The following CNTN5 variants were observed in gnomAD, a reference collection of about 807,000 sequenced individuals.
CNTN5 encodes the protein contactin 5.
A neutral mutation model predicts 129.1 loss-of-function variants in CNTN5; 77 were observed. The ratio of observed to expected loss-of-function variants is 0.60; its 90% CI spans 0.50 to 0.72. The LOEUF is 0.72. Ranked by LOEUF, CNTN5 falls within the 30% of genes least tolerant of loss-of-function variation. CNTN5 has a pLI of 0.00. For synonymous variants in CNTN5, 509 were observed against 465.6 expected (o/e 1.09, Z -1.20); for missense variants, 1,478 against 1,328.8 (o/e 1.11, Z -1.75).
At chr11:99,448,537 T>C (rs1944163000) in intron 2 of CNTN5, among the ~76,000 whole-genome samples, 1 of 151,830 alleles carries the variant, frequency 6.6e-6, no homozygotes, top group Admixed American at 6.6e-5. Context: ...TAAAGATAAT[T>C]ATGTTGAAAA....
At chr11:100,148,493 A>T (rs185129062) in intron 13 of CNTN5, among the ~76,000 whole-genome samples, 1 of 152,050 alleles carries the variant, frequency 6.6e-6, no homozygotes, top group East Asian at 1.9e-4. Context: ...CAGGGCACTC[A>T]CTGTTCAAAA....
intron 3 of CNTN5, among the ~76,000 whole-genome samples, chr11:99,759,107 G>A (rs990158501): frequency 6.6e-6 from 1 of 151,870 alleles, no homozygotes; most frequent in African/African-American, 2.4e-5. Context: ...CTATAAGGTG[G>A]GTGTTCTCCC....
chr11:99,736,482 A>C (rs893068481), intron 3 of CNTN5, among the ~76,000 whole-genome samples: 14 of 152,204 alleles, frequency 9.2e-5, no homozygotes, highest in African/African-American at 3.4e-4. Flanking sequence ...CCTCCAGTCA[A>C]GGCCTCAAAA....
chr11:99,244,928 G>A (rs11600195), intron 1 of CNTN5, among the ~76,000 whole-genome samples: 6,800 of 152,188 alleles, frequency 0.045, 205 homozygotes, highest in South Asian at 0.071. Context: ...GAGTTACTAC[G>A]TTACATTCAG....
intron 9 of CNTN5, among the ~76,000 whole-genome samples, chr11:100,046,744 A>G (rs1203780063): frequency 6.6e-6 from 1 of 152,186 alleles, no homozygotes; most frequent in African/African-American, 2.4e-5. Flanking sequence ...ATGGCAGGGT[A>G]GTTTGTACCA....
chr11:99,586,831 C>T (rs1431941983), intron 3 of CNTN5, among the ~76,000 whole-genome samples: 1 of 152,104 alleles, frequency 6.6e-6, no homozygotes, highest in Non-Finnish European at 1.5e-5. Context: ...TCCAACAAGA[C>T]ATAATATTTT....
At chr11:100,037,648 C>T (rs1441142243) in intron 9 of CNTN5, among the ~76,000 whole-genome samples, 1 of 152,146 alleles carries the variant, frequency 6.6e-6, no homozygotes, top group Non-Finnish European at 1.5e-5. Context: ...ATTTCAGCTC[C>T]TGTTGTTGGT....
chr11:99,093,397 G>A (rs537466275), intron 1 of CNTN5, among the ~76,000 whole-genome samples: 11 of 151,274 alleles, frequency 7.3e-5, no homozygotes, highest in African/African-American at 2.7e-4. Context: ...TCTGTTGTAC[G>A]CTGGACAACA....
chr11:100,046,127 G>A (rs550439139), intron 9 of CNTN5, among the ~76,000 whole-genome samples: 157 of 145,642 alleles, frequency 1.1e-3, no homozygotes, highest in African/African-American at 3.9e-3. Context: ...TCACACTCTG[G>A]GGACTGTTGT....
In CNTN5 at chr11:99,834,461, G is replaced by A. The variant is rs182128831; in HGVS notation, c.278-10391G>A. 1.2e-4 allele frequency among the ~76,000 whole-genome samples: 18 copies of A among 152,256 alleles called. 1 individual carries two copies. Among genetic ancestry groups the A allele is most frequent in the Non-Finnish European group, 2.4e-4 (16 of 68,010 alleles). ...AGATTGGTTTAGCCCAGGAGGTTGC[G>A]GCTGCAGTGAGCCATGATTGTGCCA... On this transcript the variant is annotated intron_variant, in intron 4 of 24. Coordinates refer to ENST00000524871, the MANE Select transcript of CNTN5 (RefSeq NM_014361.4).
At position 100,193,653 on chromosome 11, in the gene CNTN5, G is replaced by A. The variant is rs1404717190; in HGVS notation, c.1874G>A (p.Ser625Asn). ...GAGGAAGAGGGTGGACATTTTGAAA[G>A]CATCAGGGCCGTAAGTGAATACACT... is the stretch of plus-strand genomic sequence containing the variant. ...DFEEEGGHFE[S>N]IRAQASSADL... The change falls in exon 15 of 25, where the codon AGC becomes AAC. Residue 625 changes from serine to asparagine, a missense_variant. Transcript: ENST00000524871. The A allele has an allele frequency of 1.2e-6, 2 of 1,609,866 alleles. No homozygotes were observed. The highest frequency in any genetic ancestry group is 2.2e-5 in the East Asian group (1 of 44,702).
chr11:99,233,875 G>A (rs143382810), intron 1 of CNTN5, among the ~76,000 whole-genome samples: 2,005 of 152,220 alleles, frequency 0.013, 44 homozygotes, highest in African/African-American at 0.046. Flanking sequence ...GAACCCGGAA[G>A]GCGGAGCTTG....
intron 3 of CNTN5, among the ~76,000 whole-genome samples, chr11:99,577,475 A>G (rs1949393771): frequency 6.6e-6 from 1 of 152,164 alleles, no homozygotes; most frequent in Non-Finnish European, 1.5e-5. Context: ...TACTAGATTA[A>G]CGTACAGAGT....
chr11:99,927,288 A>G (rs1428887496), intron 7 of CNTN5, among the ~76,000 whole-genome samples: 2 of 152,178 alleles, frequency 1.3e-5, no homozygotes, highest in Non-Finnish European at 2.9e-5. Context: ...TCAGAGAGCA[A>G]GTTGCCTAAA....
chr11:99,268,496 A>G (rs917277667), intron 1 of CNTN5, among the ~76,000 whole-genome samples: 1 of 151,898 alleles, frequency 6.6e-6, no homozygotes, highest in Non-Finnish European at 1.5e-5. Flanking sequence ...AAATACTGCA[A>G]AAAGGTCATT....
At chr11:100,293,858 G>T (rs1951048580) in intron 18 of CNTN5, among the ~76,000 whole-genome samples, 1 of 151,646 alleles carries the variant, frequency 6.6e-6, no homozygotes, top group African/African-American at 2.4e-5. Context: ...CGGGTTGGGG[G>T]ATGGTGGGCA....
At chr11:99,133,410 T>C (rs1859046083) in intron 1 of CNTN5, among the ~76,000 whole-genome samples, 1 of 151,118 alleles carries the variant, frequency 6.6e-6, no homozygotes, top group Non-Finnish European at 1.5e-5. Context: ...GCAAATGGGA[T>C]CTAATTAAAT....
At chr11:100,137,798 A>AAATT (rs1435642495) in intron 13 of CNTN5, among the ~76,000 whole-genome samples, 1 of 152,176 alleles carries the variant, frequency 6.6e-6, no homozygotes, top group African/African-American at 2.4e-5. Flanking sequence ...TACTTTAACA[A>AAATT]AATTATGCAA....
chr11:99,524,055 T>G (rs1415704518), intron 2 of CNTN5, among the ~76,000 whole-genome samples: 1 of 152,078 alleles, frequency 6.6e-6, no homozygotes, highest in Non-Finnish European at 1.5e-5. Flanking sequence ...ATTTGAAAAA[T>G]AGAAATAAAT....
Sources: gnomAD v4.1 joint callset for allele counts (sites outside exome capture counted in the v4.1 genomes callset) on GRCh38, gnomAD v4.1.1 for gene constraint, MANE v1.5 for transcripts, NCBI Gene and HGNC (gene_info 2026-07-23, HGNC 2026-07-21) for gene names.